The following SERPINA9 variants were observed in gnomAD, a reference collection of about 807,000 sequenced individuals.
SERPINA9 encodes serpin family A member 9.
SERPINA9 carries 32 observed loss-of-function variants against 24.5 expected under a neutral mutation model. The ratio of observed to expected loss-of-function variants is 1.30; its 90% CI spans 0.98 to 1.75. The LOEUF (loss-of-function observed/expected upper bound fraction) is 1.75, where lower values mean the gene tolerates loss of function less well. SERPINA9 is among the 40% of genes most tolerant of loss of function. The pLI, the probability that SERPINA9 is intolerant of heterozygous loss-of-function variation, is 0.00. For synonymous variants in SERPINA9, 233 were observed against 197.7 expected, an observed-to-expected ratio of 1.18 and a Z score of -1.50; for missense variants, 594 against 497.1, an observed-to-expected ratio of 1.19 and a Z score of -1.85.
chr14:94,463,301 C>T lies in SERPINA9; in HGVS notation c.1051-5G>A. 1 of 1,613,686 alleles carries T rather than the reference C, an allele frequency of 6.2e-7. No homozygotes were observed. The highest frequency in any genetic ancestry group is 1.7e-4 in the Middle Eastern group (1 of 5,816). On this transcript the variant is annotated splice_polypyrimidine_tract_variant and splice_region_variant and intron_variant, in intron 4 of 4. Transcript: ENST00000674397. ...CAGCACAGCCTTGTGGGTTGCCTGCCAAGGGAAAAACAAACATCAGTGGCC... is the reference window on the plus strand; with the variant it reads ...CAGCACAGCCTTGTGGGTTGCCTGCTAAGGGAAAAACAAACATCAGTGGCC...
chr14:94,474,726 G>T (rs1899499272), intron 1 of SERPINA9, among the ~76,000 whole-genome samples: 1 of 152,116 alleles, frequency 6.6e-6, no homozygotes, highest in Non-Finnish European at 1.5e-5. Context: ...GCTCGTTGGG[G>T]TGACAGGGAC....
At chr14:94,463,523 C>T (rs939702531) in intron 4 of SERPINA9, among the ~76,000 whole-genome samples, 19 of 152,150 alleles carry the variant, frequency 1.2e-4, no homozygotes, top group African/African-American at 4.3e-4. Flanking sequence ...AGCAGGAAGA[C>T]CGGAGTGAGT....
chr14:94,475,298 C>A, intron 1 of SERPINA9, among the ~76,000 whole-genome samples: 1 of 152,228 alleles, frequency 6.6e-6, no homozygotes, highest in African/African-American at 2.4e-5. Context: ...AACTCATCAG[C>A]TCACTCTCCC....
intron 1 of SERPINA9, among the ~76,000 whole-genome samples, chr14:94,471,721 C>G (rs953552439): frequency 6.7e-6 from 1 of 150,324 alleles, no homozygotes; most frequent in Non-Finnish European, 1.5e-5. Flanking sequence ...GAGCTGCCCC[C>G]ACCCTGAGTG....
chr14:94,469,933 C>T (rs374159907), intron 1 of SERPINA9, 76 bp from the exon 2 acceptor site: 2 of 1,214,604 alleles, frequency 1.6e-6, no homozygotes, highest in African/African-American at 3.0e-5. Context: ...TTAACACCCC[C>T]ACGCCATCAG....
chr14:94,467,053 C>T (rs7149309), intron 3 of SERPINA9, 56 bp downstream of exon 3: 73,159 of 1,564,474 alleles, frequency 0.047, 10,109 homozygotes, highest in African/African-American at 0.44. Flanking sequence ...TCTCCCTCAT[C>T]TTTGAATGTG....
intron 2 of SERPINA9, among the ~76,000 whole-genome samples, chr14:94,468,841 T>A (rs560908234): frequency 1.3e-5 from 2 of 152,322 alleles, no homozygotes; most frequent in African/African-American, 4.8e-5. Flanking sequence ...TTAAACTGGG[T>A]TGTCAGAGAG....
At position 94,463,170 on chromosome 14, in the gene SERPINA9, A is replaced by G. The variant is rs1017990188; in HGVS notation, c.1177T>C (p.Phe393Leu). The change falls in exon 5 of 5, where the codon TTC (phenylalanine) becomes CTC (leucine). Residue 393 changes from phenylalanine to leucine, a missense_variant. Transcript: ENST00000674397. Reference sequence around the variant, plus strand: ...GCTTTATTTGTAATCATCATCAGGAAGGTCCTATTGAAGGAGACAGTGAAG... The same window carrying G: ...GCTTTATTTGTAATCATCATCAGGAGGGTCCTATTGAAGGAGACAGTGAAG... ...SYFTVSFNRT[F>L]LMMITNKATD... is the part of the protein sequence containing the mutation. 6.2e-7 allele frequency: 1 copy of G among 1,614,014 alleles called. No individual in the cohort carries two copies. The highest frequency in any genetic ancestry group is 8.5e-7 in the Non-Finnish European group (1 of 1,179,948).
intron 2 of SERPINA9, among the ~76,000 whole-genome samples, chr14:94,468,158 A>G (rs771993525): frequency 1.5e-4 from 22 of 150,876 alleles, no homozygotes; most frequent in South Asian, 4.2e-4. Flanking sequence ...ACATGAATAG[A>G]TTAATGGACA....
At position 94,468,471 on chromosome 14, in the gene SERPINA9, A is replaced by G. The variant is rs190975457; in HGVS notation, c.628+742T>C. On this transcript the variant is annotated intron_variant, in intron 2 of 4. Transcript: ENST00000674397. ...CTGCCTGGAGATGCCAGGCACTTCT[A>G]TCTCAAGCACAACCTATAAAGTTGG... 3.3e-5 allele frequency among the ~76,000 whole-genome samples: 5 copies of G among 152,198 alleles called. No homozygotes were observed. In the East Asian group the frequency reaches 9.6e-4, roughly 29 times the overall value.
At chr14:94,467,413 G>T (rs1040342338) in intron 2 of SERPINA9, 31 bp from the exon 3 acceptor site, 2 of 1,562,058 alleles carry the variant, frequency 1.3e-6, no homozygotes, top group African/African-American at 2.7e-5. Context: ...AAGTCTTTAT[G>T]TCAAAGTACA....
chr14:94,467,767 G>T (rs1055313394), intron 2 of SERPINA9, among the ~76,000 whole-genome samples: 5 of 152,070 alleles, frequency 3.3e-5, no homozygotes, highest in African/African-American at 9.7e-5. Flanking sequence ...AATAGCTAAT[G>T]GATAAATGGT....
At position 94,466,962 on chromosome 14, in the gene SERPINA9, A is replaced by G. The variant is rs530212000; in HGVS notation, c.902+147T>C. The stretch of plus-strand genomic sequence containing the variant: ...GTGAACTTCAAGTGTGAACATGTAT[A>G]GACAGCCCCAGGCTCTCTGTCCTGC... On this transcript the variant is annotated intron_variant, in intron 3 of 4. Transcript: ENST00000674397. 1,156 of 817,320 alleles carry G rather than the reference A, an allele frequency of 1.4e-3. 21 individuals are homozygous for G. The South Asian group carries it at 0.02, about 14-fold the overall frequency. 50.6% of individuals were successfully genotyped at this position (817,320 alleles called of 1,614,324 possible). A position where few individuals can be genotyped will look rare whatever the true frequency, so the allele number is the denominator to read the frequency against.
intron 1 of SERPINA9, among the ~76,000 whole-genome samples, chr14:94,471,440 G>T (rs1899314072): frequency 6.6e-6 from 1 of 152,142 alleles, no homozygotes; most frequent in Admixed American, 6.5e-5. Flanking sequence ...CAATTTCTCT[G>T]TGGAAATGAA....
chr14:94,468,059 G>C (rs554885093), intron 2 of SERPINA9, among the ~76,000 whole-genome samples: 37 of 152,204 alleles, frequency 2.4e-4, no homozygotes, highest in African/African-American at 8.7e-4. Flanking sequence ...TGGGTGGATA[G>C]ATGGATGTAT....
rs2139801138 is a variant in SERPINA9, at chr14:94,466,134, C to T, written c.902+975G>A. On this transcript the variant is annotated intron_variant, in intron 3 of 4. Coordinates refer to ENST00000674397, the MANE Select transcript of SERPINA9 (RefSeq NM_175739.4). ...TCTGTGCCACCTCCTCTTCCTATCCCCAGCCCCAGATGCAGCCTGAGAAGA... is the reference window on the plus strand; with the variant it reads ...TCTGTGCCACCTCCTCTTCCTATCCTCAGCCCCAGATGCAGCCTGAGAAGA... 1.3e-5 allele frequency among the ~76,000 whole-genome samples: 2 copies of T among 152,292 alleles called. 1 individual carries two copies. The highest frequency in any genetic ancestry group is 4.1e-4 in the South Asian group (2 of 4,822).
At chr14:94,475,598 C>T (rs1399760173) in intron 1 of SERPINA9, among the ~76,000 whole-genome samples, 1 of 152,130 alleles carries the variant, frequency 6.6e-6, no homozygotes, top group African/African-American at 2.4e-5. Flanking sequence ...CCCTACACCT[C>T]CACTCCACCA....
At chr14:94,475,854 T>C (rs577789973) in intron 1 of SERPINA9, 2 of 501,978 alleles carry the variant, frequency 4.0e-6, no homozygotes, top group Non-Finnish European at 7.0e-6. Flanking sequence ...GCAGCTGCCC[T>C]ATTTCAATAC....
In SERPINA9 at chr14:94,463,202, G is replaced by A; in HGVS notation, c.1145C>T (p.Pro382Leu). 1 of 1,613,936 alleles carries A rather than the reference G, an allele frequency of 6.2e-7. No individual in the cohort carries two copies. Among genetic ancestry groups the A allele is most frequent in the Non-Finnish European group, 8.5e-7 (1 of 1,179,818 alleles). ...TKFIVRSKDG[P>L]SYFTVSFNRT... ...ATTGAAGGAGACAGTGAAGTAAGAGGGGCCATCCTTCGATCGGACTATGAA... is the reference window on the plus strand; with the variant it reads ...ATTGAAGGAGACAGTGAAGTAAGAGAGGCCATCCTTCGATCGGACTATGAA... The change falls in exon 5 of 5, where the codon CCC (proline) becomes CTC (leucine). Residue 382 changes from proline (P) to leucine (L), a missense_variant. Physicochemically the swap from Pro to Leu is moderately conservative, Grantham distance 98 (BLOSUM62 -3). Transcript: ENST00000674397.
Sources: allele counts gnomAD v4.1 joint callset (sites outside exome capture counted in the v4.1 genomes callset), GRCh38; gene constraint gnomAD v4.1.1; transcripts MANE v1.5; gene names NCBI Gene and HGNC (gene_info 2026-07-23, HGNC 2026-07-21).